The following GOLPH3 variants were observed in gnomAD, a reference collection of about 807,000 sequenced individuals.
GOLPH3 encodes the protein coat protein GPP34.
GOLPH3 carries 14 observed loss-of-function variants against 28.5 expected under a neutral mutation model. The observed-to-expected ratio is 0.49, with a 90% CI of 0.32 to 0.77. The LOEUF (loss-of-function observed/expected upper bound fraction) is 0.77, where lower values mean the gene tolerates loss of function less well. GOLPH3 is among the 30% of genes least tolerant of loss of function. GOLPH3 has a pLI of 0.03. For missense variants in GOLPH3, 350 were observed against 393.7 expected (o/e 0.89, Z 0.94); for synonymous variants, 158 against 159.2 (o/e 0.99, Z 0.06).
intron 1 of GOLPH3, among the ~76,000 whole-genome samples, chr5:32,159,272 C>T (rs917000919): frequency 3.3e-5 from 5 of 152,164 alleles, no homozygotes; most frequent in Non-Finnish European, 5.9e-5. Context: ...GGGATGGGAC[C>T]TAAGTCTAAA....
intron 1 of GOLPH3, among the ~76,000 whole-genome samples, chr5:32,166,328 T>C (rs1172335019): frequency 6.6e-6 from 1 of 152,232 alleles, no homozygotes; most frequent in Non-Finnish European, 1.5e-5. Flanking sequence ...AGAAATAGCC[T>C]ATGTTCTAAA....
In GOLPH3 at chr5:32,127,392, T is replaced by C. The variant is rs76911331; in HGVS notation, c.473-756A>G. 5.5e-3 allele frequency among the ~76,000 whole-genome samples: 841 copies of C among 152,352 alleles called. 8 individuals carry two copies. Among genetic ancestry groups the C allele is most frequent in the African/African-American group, 0.019 (778 of 41,582 alleles). ...TATTTTTATACTTAAAAAAACTATATTTTTCTAAATTAGAATATGTTAAAG... is the reference window on the plus strand; with the variant it reads ...TATTTTTATACTTAAAAAAACTATACTTTTCTAAATTAGAATATGTTAAAG... On this transcript the variant is annotated intron_variant, in intron 3 of 3. Coordinates refer to ENST00000265070, the MANE Select transcript of GOLPH3 (RefSeq NM_022130.4).
At chr5:32,164,747 C>A (rs1746668549) in intron 1 of GOLPH3, among the ~76,000 whole-genome samples, 1 of 151,886 alleles carries the variant, frequency 6.6e-6, no homozygotes, top group Admixed American at 6.6e-5. Flanking sequence ...ACTCCCTTGG[C>A]AATGACATTA....
chr5:32,126,986 A>G (rs1013357288), intron 3 of GOLPH3, among the ~76,000 whole-genome samples: 1 of 152,184 alleles, frequency 6.6e-6, no homozygotes, highest in Non-Finnish European at 1.5e-5. Flanking sequence ...TAAGTTTTCT[A>G]TTAAACACCA....
intron 1 of GOLPH3, among the ~76,000 whole-genome samples, chr5:32,157,882 C>T (rs1287568774): frequency 6.6e-6 from 1 of 151,720 alleles, no homozygotes; most frequent in Non-Finnish European, 1.5e-5. Flanking sequence ...GAGGCTAAGG[C>T]AGAAGAATCG....
chr5:32,144,975 A>C (rs1422477898), intron 1 of GOLPH3, among the ~76,000 whole-genome samples: 1 of 152,222 alleles, frequency 6.6e-6, no homozygotes, highest in Admixed American at 6.5e-5. Context: ...AGAACAGGGT[A>C]ACACAATTTT....
At chr5:32,147,807 A>G (rs551056030) in intron 1 of GOLPH3, among the ~76,000 whole-genome samples, 47 of 152,214 alleles carry the variant, frequency 3.1e-4, no homozygotes, top group Non-Finnish European at 5.6e-4. Context: ...AAAGTAAAAC[A>G]TATTTGTGAA....
intron 1 of GOLPH3, among the ~76,000 whole-genome samples, chr5:32,159,260 T>C (rs527317866): frequency 2.0e-4 from 31 of 152,362 alleles, no homozygotes; most frequent in Non-Finnish European, 4.6e-4. Flanking sequence ...TGAGATACCT[T>C]AGGGATGGGA....
At chr5:32,147,191 CAT>C (rs1746195623) in intron 1 of GOLPH3, among the ~76,000 whole-genome samples, 3 of 152,004 alleles carry the variant, frequency 2.0e-5, no homozygotes. Flanking sequence ...ATATTGATCA[CAT>C]CATTATCATA....
intron 1 of GOLPH3, among the ~76,000 whole-genome samples, chr5:32,154,929 A>G (rs139254522): frequency 0.035 from 5,351 of 152,112 alleles, 177 homozygotes; most frequent in East Asian, 0.16. Context: ...CTAAAAATAC[A>G]AAAATTAGCC....
chr5:32,174,045 G>C lies in GOLPH3; in HGVS notation c.-11C>G. The C allele has an allele frequency of 7.9e-7, 1 of 1,273,742 alleles. No homozygotes were observed. Among genetic ancestry groups the C allele is most frequent in the South Asian group, 2.9e-5 (1 of 34,370 alleles). 78.9% of individuals were successfully genotyped at this position (1,273,742 alleles called of 1,614,324 possible). On this transcript the variant is annotated 5_prime_UTR_variant, in exon 1 of 4. Transcript: ENST00000265070. ...GGTCAGCGAGGTCATGGCTCCCGCC[G>C]AGGCGCCGAGCCGGGCCGAGAGGGT...
chr5:32,168,361 T>C (rs975227216), intron 1 of GOLPH3, among the ~76,000 whole-genome samples: 1 of 152,240 alleles, frequency 6.6e-6, no homozygotes, highest in African/African-American at 2.4e-5. Flanking sequence ...TTGGAGCCTG[T>C]GTAAAAGCCA....
chr5:32,145,303 A>T (rs1035578263), intron 1 of GOLPH3, among the ~76,000 whole-genome samples: 3 of 152,274 alleles, frequency 2.0e-5, no homozygotes, highest in Non-Finnish European at 4.4e-5. Context: ...TGTAAGTAGC[A>T]GACACTGACT....
At position 32,174,106 on chromosome 5, in the gene GOLPH3, G is replaced by T; in HGVS notation, c.-72C>A. 1 of 1,067,726 alleles carries T rather than the reference G, an allele frequency of 9.4e-7. No homozygotes were observed. Among genetic ancestry groups the T allele is most frequent in the Non-Finnish European group, 1.2e-6 (1 of 839,072 alleles). 66.1% of individuals were successfully genotyped at this position (1,067,726 alleles called of 1,614,324 possible). ...ACCGGGTCGCCCTCCTCCTCCCCGC[G>T]CGGCCTCCGATCCGGGTTTCCGTGT... On this transcript the variant is annotated 5_prime_UTR_variant, in exon 1 of 4. Transcript: ENST00000265070.
chr5:32,128,544 A>T (rs1388063248), intron 3 of GOLPH3, among the ~76,000 whole-genome samples: 1 of 152,066 alleles, frequency 6.6e-6, no homozygotes, highest in Non-Finnish European at 1.5e-5. Context: ...CTGTAATCTC[A>T]GCTACTCGGA....
intron 1 of GOLPH3, among the ~76,000 whole-genome samples, chr5:32,157,149 T>G (rs1746449316): frequency 2.0e-5 from 3 of 152,220 alleles, no homozygotes; most frequent in Admixed American, 2.0e-4. Flanking sequence ...GGATCTTATC[T>G]GCCACTCCCT....
At chr5:32,170,755 T>G (rs1023831000) in intron 1 of GOLPH3, among the ~76,000 whole-genome samples, 1 of 151,892 alleles carries the variant, frequency 6.6e-6, no homozygotes, top group South Asian at 2.1e-4. Context: ...GGCAACATCT[T>G]GAGACCTCCA....
rs568300488 is a variant in GOLPH3, at chr5:32,169,513, T to C, written c.225+4297A>G. Among the ~76,000 whole-genome samples, 241 of 152,312 alleles carry C rather than the reference T, an allele frequency of 1.6e-3. 1 individual carries two copies. Among genetic ancestry groups the C allele is most frequent in the Middle Eastern group, 0.01 (3 of 294 alleles). On this transcript the variant is annotated intron_variant, in intron 1 of 3. Coordinates refer to ENST00000265070, the MANE Select transcript of GOLPH3 (RefSeq NM_022130.4). ...GCCTCTCTCTGCTTCTGCTGTTCCA[T>C]AGGCATACTCCAAATTATACTTGGC...
intron 2 of GOLPH3, among the ~76,000 whole-genome samples, chr5:32,138,320 G>C (rs902267305): frequency 1.3e-5 from 2 of 152,026 alleles, no homozygotes; most frequent in Non-Finnish European, 2.9e-5. Context: ...CTATCTCTGT[G>C]ACATCATGAC....
Sources: gnomAD v4.1 joint callset for allele counts (sites outside exome capture counted in the v4.1 genomes callset) on GRCh38, gnomAD v4.1.1 for gene constraint, MANE v1.5 for transcripts, NCBI Gene and HGNC (gene_info 2026-07-23, HGNC 2026-07-21) for gene names.